Variants in PTPRD observed in about 807,000 individuals in gnomAD.
PTPRD encodes the protein receptor-type tyrosine-protein phosphatase delta.
In PTPRD, 34 loss-of-function variants were observed where a neutral mutation model predicts 214.5. The ratio of observed to expected loss-of-function variants is 0.16; its 90% CI spans 0.12 to 0.21. The LOEUF (loss-of-function observed/expected upper bound fraction) is 0.21. Among genes scored for constraint, PTPRD ranks in the 10% least tolerant of loss-of-function variants. The pLI, the probability that PTPRD is intolerant of heterozygous loss-of-function variation, is 1.00. For synonymous variants in PTPRD, 1,128 were observed against 845.7 expected (o/e 1.33, Z -5.79); for missense variants, 2,545 against 2,398.7 (o/e 1.06, Z -1.27).
chr9:9,837,930 C>G (rs1398228829), intron 5 of PTPRD, among the ~76,000 whole-genome samples: 1 of 152,162 alleles, frequency 6.6e-6, no homozygotes, highest in East Asian at 1.9e-4. Flanking sequence ...CCCCCAACCC[C>G]ACAACAGTCC....
intron 12 of PTPRD, among the ~76,000 whole-genome samples, chr9:8,680,323 T>C (rs2097526775): frequency 6.6e-6 from 1 of 152,126 alleles, no homozygotes; most frequent in African/African-American, 2.4e-5. Context: ...AAATACACCT[T>C]AGGAAACATA....
chr9:9,483,359 G>A (rs753417616), intron 8 of PTPRD, among the ~76,000 whole-genome samples: 1 of 152,130 alleles, frequency 6.6e-6, no homozygotes, highest in South Asian at 2.1e-4. Flanking sequence ...TTTAGGATGC[G>A]TGAAGATTGA....
At chr9:9,872,058 G>C (rs1038817586) in intron 5 of PTPRD, among the ~76,000 whole-genome samples, 2 of 152,072 alleles carry the variant, frequency 1.3e-5, no homozygotes, top group Non-Finnish European at 2.9e-5. Flanking sequence ...TATTGTCTGT[G>C]GTGGGGTCAT....
chr9:8,627,898 C>A (rs1250864628), intron 14 of PTPRD, among the ~76,000 whole-genome samples: 1 of 151,866 alleles, frequency 6.6e-6, no homozygotes, highest in Non-Finnish European at 1.5e-5. Context: ...AGTGGCTCTG[C>A]CCACTACCAC....
At chr9:8,739,957 C>A (rs1423186073) in intron 11 of PTPRD, among the ~76,000 whole-genome samples, 4 of 152,138 alleles carry the variant, frequency 2.6e-5, no homozygotes, top group Non-Finnish European at 5.9e-5. Context: ...TGAGGCGTCC[C>A]CAGCCATGTG....
intron 3 of PTPRD, among the ~76,000 whole-genome samples, chr9:10,323,686 T>C (rs929184012): frequency 6.6e-6 from 1 of 151,956 alleles, no homozygotes; most frequent in Admixed American, 6.6e-5. Flanking sequence ...GTCATCTGTT[T>C]AATATGCAGT....
intron 2 of PTPRD, among the ~76,000 whole-genome samples, chr9:10,398,487 T>C (rs1158424130): frequency 6.6e-6 from 1 of 151,964 alleles, no homozygotes; most frequent in African/African-American, 2.4e-5. Context: ...ATTTTGCTAA[T>C]CTTTCTAGTG....
At chr9:9,794,247 T>A (rs1243181707) in intron 5 of PTPRD, among the ~76,000 whole-genome samples, 1 of 151,606 alleles carries the variant, frequency 6.6e-6, no homozygotes, top group African/African-American at 2.4e-5. Context: ...ATATATGGTG[T>A]TCCAAAAAGT....
chr9:8,691,679 A>G (rs555539220), intron 12 of PTPRD, among the ~76,000 whole-genome samples: 1 of 152,322 alleles, frequency 6.6e-6, no homozygotes, highest in South Asian at 2.1e-4. Context: ...CCAGATTCCA[A>G]GAGGCCAAAC....
chr9:8,785,438 A>C (rs889881216), intron 11 of PTPRD, among the ~76,000 whole-genome samples: 3 of 152,208 alleles, frequency 2.0e-5, no homozygotes, highest in African/African-American at 7.2e-5. Flanking sequence ...GTTCTGTCCA[A>C]ACCACAATAC....
intron 2 of PTPRD, among the ~76,000 whole-genome samples, chr9:10,565,752 C>G (rs951541937): frequency 1.3e-5 from 2 of 151,848 alleles, no homozygotes; most frequent in East Asian, 3.9e-4. Context: ...CTTATCTGAG[C>G]CTTTGCAAAT....
At chr9:10,081,430 G>A (rs1210221516) in intron 3 of PTPRD, among the ~76,000 whole-genome samples, 1 of 152,038 alleles carries the variant, frequency 6.6e-6, no homozygotes, top group African/African-American at 2.4e-5. Context: ...ACTAGGAGGT[G>A]GAGCGTTTGG....
intron 5 of PTPRD, among the ~76,000 whole-genome samples, chr9:9,844,378 A>G (rs2059011020): frequency 6.6e-6 from 1 of 152,026 alleles, no homozygotes; most frequent in African/African-American, 2.4e-5. Context: ...TCTAATTTAT[A>G]TAGGAAACTT....
At chr9:8,966,528 A>G (rs2099196143) in intron 11 of PTPRD, among the ~76,000 whole-genome samples, 1 of 152,160 alleles carries the variant, frequency 6.6e-6, no homozygotes, top group Admixed American at 6.6e-5. Context: ...CTTCTTTAAT[A>G]AATGGTATTG....
intron 8 of PTPRD, among the ~76,000 whole-genome samples, chr9:9,484,997 C>T (rs1357230667): frequency 1.3e-5 from 2 of 152,120 alleles, no homozygotes; most frequent in Admixed American, 6.5e-5. Context: ...ATGAATTATG[C>T]ATATGGATGT....
At chr9:9,160,717 G>A (rs866722792) in intron 10 of PTPRD, among the ~76,000 whole-genome samples, 13 of 152,230 alleles carry the variant, frequency 8.5e-5, no homozygotes, top group African/African-American at 3.1e-4. Flanking sequence ...ATGTTAAAGG[G>A]ATATCTGCAT....
rs1402201904 is a variant in PTPRD, at chr9:10,509,579, A to ATATATATATATATATATATATATT, written c.-600+102818_-600+102819insAATATATATATATATATATATATA. Among the ~76,000 whole-genome samples, 53 of 131,228 alleles carry ATATATATATATATATATATATATT rather than the reference A, an allele frequency of 4.0e-4. 1 individual carries two copies. Among genetic ancestry groups the ATATATATATATATATATATATATT allele is most frequent in the Non-Finnish European group, 6.2e-4 (38 of 61,010 alleles). 86.1% of individuals were successfully genotyped at this position (131,228 alleles called of 152,430 possible). The stretch of plus-strand genomic sequence containing the variant: ...ATATTATATATATATATATATATAT[A>ATATATATATATATATATATATATT]TTTTACTCACTTACTTACTTTCTGG... On this transcript the variant is annotated intron_variant, in intron 2 of 45. Transcript: ENST00000381196.
intron 14 of PTPRD, among the ~76,000 whole-genome samples, chr9:8,584,974 G>A (rs774971252): frequency 6.6e-6 from 1 of 152,172 alleles, no homozygotes; most frequent in African/African-American, 2.4e-5. Flanking sequence ...CATGAGAACA[G>A]CACGGAGGTA....
chr9:9,692,733 A>T (rs1465194495), intron 7 of PTPRD, among the ~76,000 whole-genome samples: 5 of 152,100 alleles, frequency 3.3e-5, no homozygotes, highest in Non-Finnish European at 7.4e-5. Context: ...CAGACAATTC[A>T]ACAATACTGA....
Sources: gnomAD v4.1 joint callset for allele counts (sites outside exome capture counted in the v4.1 genomes callset) on GRCh38, gnomAD v4.1.1 for gene constraint, MANE v1.5 for transcripts, NCBI Gene and HGNC (gene_info 2026-07-23, HGNC 2026-07-21) for gene names.